The following UQCC6 variants were observed in gnomAD, a reference collection of about 807,000 sequenced individuals.
The protein encoded by UQCC6 is ubiquinol-cytochrome c reductase complex assembly factor 6.
chr12:103,959,121 T>C, the UQCC6 span, among the ~76,000 whole-genome samples: 1 of 152,234 alleles, frequency 6.6e-6, no homozygotes, highest in African/African-American at 2.4e-5. Context: ...GTCTCTGCCA[T>C]ACAAATGAAA....
the UQCC6 span, chr12:103,955,638 TAAAA>T: frequency 2.4e-6 from 1 of 419,858 alleles, no homozygotes; most frequent in Admixed American, 2.8e-5. Context: ...CTAATTTTTT[TAAAA>T]TTATTTTTCA....
At chr12:103,961,124 A>AG in the UQCC6 span, among the ~76,000 whole-genome samples, 2 of 151,516 alleles carry the variant, frequency 1.3e-5, no homozygotes, top group Non-Finnish European at 2.9e-5. Flanking sequence ...GACCCTGTGT[A>AG]GGCCTAGGCT....
At chr12:103,956,644 TA>T in the UQCC6 span, 2 of 1,550,438 alleles carry the variant, frequency 1.3e-6, no homozygotes, top group Non-Finnish European at 1.7e-6. Flanking sequence ...GTCCGGTCGG[TA>T]GTACCTGTGC....
chr12:103,956,318 G>A, the UQCC6 span: 9 of 235,374 alleles, frequency 3.8e-5, no homozygotes, highest in African/African-American at 9.0e-5. Context: ...CAGCAAGGAA[G>A]CAGGCGTGAA....
At chr12:103,954,835 A>T in the UQCC6 span, 23 of 660,370 alleles carry the variant, frequency 3.5e-5, 2 homozygotes, top group South Asian at 3.8e-4. Context: ...TTACAAGAGT[A>T]TTGGATTATT....
At chr12:103,955,377 C>T in the UQCC6 span, among the ~76,000 whole-genome samples, 1 of 152,128 alleles carries the variant, frequency 6.6e-6, no homozygotes, top group Non-Finnish European at 1.5e-5. Context: ...TGGCTCACAC[C>T]TGTAATCCCA....
the UQCC6 span, chr12:103,951,724 A>G: frequency 1.5e-6 from 1 of 672,404 alleles, no homozygotes; most frequent in Non-Finnish European, 2.5e-6. Context: ...GTAAAAAATA[A>G]CAAAAAGTTC....
At chr12:103,951,584 A>G in the UQCC6 span, 1 of 1,549,536 alleles carries the variant, frequency 6.5e-7, no homozygotes, top group South Asian at 1.2e-5. Flanking sequence ...CAGTCCCAAA[A>G]GCTCCGTTTT....
At chr12:103,959,860 G>C in the UQCC6 span, among the ~76,000 whole-genome samples, 1 of 135,804 alleles carries the variant, frequency 7.4e-6, no homozygotes, top group South Asian at 2.4e-4. Flanking sequence ...CTGGAGTGCA[G>C]AGGCACAATC....
chr12:103,961,537 TTTGTTGTTGTTG>T, the UQCC6 span, among the ~76,000 whole-genome samples: 1,151 of 150,556 alleles, frequency 7.6e-3, 11 homozygotes, highest in African/African-American at 0.026. Context: ...ACTGTTTGGT[TTTGTTGTTGTTG>T]TTGTTGTTGT....
chr12:103,963,765 G>A, the UQCC6 span, among the ~76,000 whole-genome samples: 1 of 152,112 alleles, frequency 6.6e-6, no homozygotes, highest in African/African-American at 2.4e-5. Context: ...AATTACAATT[G>A]ATCTTCCTAT....
the UQCC6 span, chr12:103,953,360 A>T: frequency 1.4e-6 from 1 of 701,822 alleles, no homozygotes; most frequent in Non-Finnish European, 2.6e-6. Context: ...CTGAACTACA[A>T]CAGAGTCATC....
chr12:103,956,812 G>A, the UQCC6 span: 1 of 1,063,146 alleles, frequency 9.4e-7, no homozygotes, highest in Non-Finnish European at 1.4e-6. Context: ...CGCCAGGGCT[G>A]AGGCGCTCCA....
chr12:103,957,587 C>G, the UQCC6 span, among the ~76,000 whole-genome samples: 1 of 152,086 alleles, frequency 6.6e-6, no homozygotes, highest in African/African-American at 2.4e-5. Context: ...ACTCACTGTC[C>G]CTGTGTCTGG....
At chr12:103,953,055 G>C in the UQCC6 span, among the ~76,000 whole-genome samples, 1 of 152,224 alleles carries the variant, frequency 6.6e-6, no homozygotes, top group African/African-American at 2.4e-5. Context: ...TCTGAAATGG[G>C]AAGACACTGG....
chr12:103,957,470 C>G, the UQCC6 span, among the ~76,000 whole-genome samples: 3 of 152,156 alleles, frequency 2.0e-5, no homozygotes, highest in African/African-American at 7.2e-5. Context: ...ACAAAGGAAA[C>G]CACGCCTTTA....
At chr12:103,964,812 A>G in the UQCC6 span, among the ~76,000 whole-genome samples, 2 of 152,226 alleles carry the variant, frequency 1.3e-5, no homozygotes, top group African/African-American at 4.8e-5. Flanking sequence ...AGTAGTGTCT[A>G]CTAATGGACA....
At chr12:103,955,688 ACT>A in the UQCC6 span, 1 of 434,098 alleles carries the variant, frequency 2.3e-6, no homozygotes. Context: ...CTAATGGTTG[ACT>A]CTCTGAAAGT....
At chr12:103,950,553 T>A in the UQCC6 span, 7 of 152,230 alleles carry the variant, frequency 4.6e-5, no homozygotes, top group Non-Finnish European at 1.0e-4. Context: ...TTCTAGAAGC[T>A]GACCATTGAA....
Sources: allele counts gnomAD v4.1 joint callset (sites outside exome capture counted in the v4.1 genomes callset), GRCh38; gene constraint gnomAD v4.1.1; transcripts MANE v1.5; gene names NCBI Gene and HGNC (gene_info 2026-07-23, HGNC 2026-07-21).